Variants in NTRK3 observed in about 807,000 individuals in gnomAD.
NTRK3 encodes NT-3 growth factor receptor.
A neutral mutation model predicts 91.7 loss-of-function variants in NTRK3; 24 were observed. The ratio of observed to expected loss-of-function variants is 0.26; its 90% CI spans 0.19 to 0.37. NTRK3 has a LOEUF of 0.37. NTRK3 is among the 10% of genes least tolerant of loss of function. The pLI, the probability that NTRK3 is intolerant of heterozygous loss-of-function variation, is 1.00. For missense variants in NTRK3, 880 were observed against 1,068.9 expected, an observed-to-expected ratio of 0.82 and a Z score of 2.46; for synonymous variants, 483 against 404.0, an observed-to-expected ratio of 1.20 and a Z score of -2.34.
intron 3 of NTRK3, among the ~76,000 whole-genome samples, chr15:88,236,724 C>G (rs1378020688): frequency 1.4e-5 from 2 of 147,834 alleles, no homozygotes; most frequent in Non-Finnish European, 3.0e-5. Context: ...TATAAATTCG[C>G]CCATGAAACC....
chr15:88,079,722 G>C (rs1321188455), intron 13 of NTRK3, among the ~76,000 whole-genome samples: 1 of 152,124 alleles, frequency 6.6e-6, no homozygotes, highest in Non-Finnish European at 1.5e-5. Flanking sequence ...TTTAAGTAAA[G>C]GACAGTCATC....
intron 13 of NTRK3, among the ~76,000 whole-genome samples, chr15:88,078,890 G>T (rs2047794482): frequency 2.0e-5 from 3 of 152,248 alleles, no homozygotes; most frequent in Admixed American, 1.3e-4. Flanking sequence ...GGGGAAAGTG[G>T]CAGGGGCTTA....
chr15:88,251,299 C>T (rs1056643658), intron 3 of NTRK3, among the ~76,000 whole-genome samples: 2 of 152,166 alleles, frequency 1.3e-5, no homozygotes, highest in African/African-American at 4.8e-5. Flanking sequence ...GTGGCGTGGC[C>T]GAGCCTCCTG....
chr15:88,255,933 G>C lies in NTRK3; in HGVS notation c.221C>G (p.Thr74Arg). 6.2e-7 allele frequency: 1 copy of C among 1,613,214 alleles called. No individual in the cohort carries two copies. The highest frequency in any genetic ancestry group is 8.5e-7 in the Non-Finnish European group (1 of 1,179,464). ...GGAAGTGATATTCCTTGAGATGTCC[G>C]TGATGTTGATACTGGCGTTCCCATT... Residue 74 changes from threonine to arginine, a missense_variant, in exon 3 of 19, where the codon ACG becomes AGG. Transcript: ENST00000394480. The surrounding 1 kb of genome is among the most constrained non-coding windows in gnomAD (Gnocchi z 4.3).
chr15:88,119,792 G>T (rs2052502554), intron 13 of NTRK3, among the ~76,000 whole-genome samples: 1 of 152,194 alleles, frequency 6.6e-6, no homozygotes, highest in African/African-American at 2.4e-5. Flanking sequence ...CACTGCTCTT[G>T]GTTCCCGACC....
chr15:88,022,548 T>G (rs988199199), intron 14 of NTRK3, among the ~76,000 whole-genome samples: 2 of 152,148 alleles, frequency 1.3e-5, no homozygotes, highest in African/African-American at 4.8e-5. Context: ...ATCCTCTTAC[T>G]CCTTGAAGAC....
At chr15:88,209,256 T>C (rs999529046) in intron 3 of NTRK3, among the ~76,000 whole-genome samples, 4 of 152,160 alleles carry the variant, frequency 2.6e-5, no homozygotes, top group African/African-American at 9.7e-5. Flanking sequence ...TTCCCCATTA[T>C]TGGTCATGGG....
At chr15:87,986,484 T>C (rs958251353) in intron 14 of NTRK3, among the ~76,000 whole-genome samples, 6 of 152,242 alleles carry the variant, frequency 3.9e-5, no homozygotes, top group African/African-American at 7.2e-5. Flanking sequence ...ATTATCCTTT[T>C]CAGGAATCTT....
At chr15:88,182,247 C>A (rs1188637022) in intron 5 of NTRK3, among the ~76,000 whole-genome samples, 6 of 152,150 alleles carry the variant, frequency 3.9e-5, no homozygotes, top group Admixed American at 2.0e-4. Flanking sequence ...ATTTATCAAG[C>A]ACTCACTATG....
chr15:87,893,334 C>T (rs2065942462), intron 17 of NTRK3, among the ~76,000 whole-genome samples: 1 of 152,184 alleles, frequency 6.6e-6, no homozygotes, highest in Non-Finnish European at 1.5e-5. Flanking sequence ...CCTTAGGGCT[C>T]ACACTTTGCC....
intron 17 of NTRK3, 135 bp from the exon 19 acceptor site, chr15:87,880,563 ATCAGAGG>A: frequency 9.5e-7 from 1 of 1,051,842 alleles, no homozygotes; most frequent in Non-Finnish European, 1.4e-6. Context: ...TGCAACTTCT[ATCAGAGG>A]TGTGTGAAGA....
chr15:88,165,698 G>T (rs60347658), intron 5 of NTRK3, among the ~76,000 whole-genome samples: 2,380 of 152,204 alleles, frequency 0.016, 52 homozygotes, highest in African/African-American at 0.054. Flanking sequence ...ATAATGATTT[G>T]CTCTCATTGA....
At chr15:88,075,386 G>A (rs2047449156) in intron 13 of NTRK3, among the ~76,000 whole-genome samples, 1 of 152,154 alleles carries the variant, frequency 6.6e-6, no homozygotes, top group African/African-American at 2.4e-5. Context: ...TTATTATTCA[G>A]TCAGTAGATG....
At chr15:88,077,175 A>C (rs1247604273) in intron 13 of NTRK3, among the ~76,000 whole-genome samples, 1 of 152,158 alleles carries the variant, frequency 6.6e-6, no homozygotes, top group East Asian at 1.9e-4. Context: ...AGTTGGATGG[A>C]TATAAATATT....
At chr15:88,213,528 C>T (rs1294479637) in intron 3 of NTRK3, among the ~76,000 whole-genome samples, 1 of 152,198 alleles carries the variant, frequency 6.6e-6, no homozygotes, top group East Asian at 1.9e-4. Flanking sequence ...GACAAGGCAG[C>T]TCGGCCTCAC....
intron 13 of NTRK3, among the ~76,000 whole-genome samples, chr15:88,123,201 ACACT>A (rs1025983832): frequency 6.6e-6 from 1 of 152,206 alleles, no homozygotes; most frequent in African/African-American, 2.4e-5. Flanking sequence ...ATAGATCTTG[ACACT>A]CACAGCAACC....
intron 14 of NTRK3, among the ~76,000 whole-genome samples, chr15:88,032,164 C>T (rs1257219449): frequency 6.6e-6 from 1 of 152,020 alleles, no homozygotes; most frequent in East Asian, 1.9e-4. Context: ...GCAGGAGGAA[C>T]CCTGCTGGAT....
chr15:88,146,824 G>A (rs2042931347), intron 6 of NTRK3, among the ~76,000 whole-genome samples: 1 of 152,128 alleles, frequency 6.6e-6, no homozygotes, highest in Admixed American at 6.5e-5. Flanking sequence ...AAAAGGTGTG[G>A]GTTCAAGTCC....
intron 14 of NTRK3, among the ~76,000 whole-genome samples, chr15:87,989,915 A>G (rs936246035): frequency 2.6e-5 from 4 of 152,166 alleles, no homozygotes; most frequent in Admixed American, 2.6e-4. Context: ...GCTTGTTTCA[A>G]GATTTTTCAC....
Sources: allele counts gnomAD v4.1 joint callset (sites outside exome capture counted in the v4.1 genomes callset), GRCh38; gene constraint gnomAD v4.1.1; non-coding constraint Gnocchi (gnomAD v3.1); transcripts MANE v1.5; gene names NCBI Gene and HGNC (gene_info 2026-07-23, HGNC 2026-07-21).